SEM1: variants seen among roughly 807,000 people sequenced by gnomAD.
The protein encoded by SEM1 is 26S proteasome complex subunit SEM1.
SEM1 carries 3 observed loss-of-function variants against 12.7 expected under a neutral mutation model. The observed-to-expected ratio is 0.24, with a 90% CI of 0.11 to 0.61. The LOEUF (loss-of-function observed/expected upper bound fraction) is 0.61. Among genes scored for constraint, SEM1 ranks in the 20% least tolerant of loss-of-function variants. The probability of loss-of-function intolerance (pLI) is 0.88; values close to 1 mark genes in which losing one functional copy is unlikely to be tolerated. For synonymous variants in SEM1, 30 were observed against 27.8 expected (o/e 1.08, Z -0.25); for missense variants, 59 against 81.3 (o/e 0.73, Z 1.06).
chr7:96,557,769 G>T (rs1160822734), intron 2 of SEM1, among the ~76,000 whole-genome samples: 1 of 151,798 alleles, frequency 6.6e-6, no homozygotes, highest in East Asian at 1.9e-4. Flanking sequence ...CCTAGGCAAT[G>T]GCGGGCGCCC....
intron 2 of SEM1, among the ~76,000 whole-genome samples, chr7:96,560,890 G>A (rs1805671587): frequency 6.6e-6 from 1 of 151,944 alleles, no homozygotes; most frequent in Admixed American, 6.6e-5. Flanking sequence ...TTTAGTATTT[G>A]TGCACTCCTT....
At chr7:96,596,884 A>T (rs1420130437) in intron 2 of SEM1, among the ~76,000 whole-genome samples, 4 of 152,224 alleles carry the variant, frequency 2.6e-5, no homozygotes, top group African/African-American at 9.6e-5. Context: ...TTGTTGTGTC[A>T]GCTTGTACAT....
At chr7:96,547,353 G>A (rs1805133685) in intron 2 of SEM1, among the ~76,000 whole-genome samples, 1 of 152,144 alleles carries the variant, frequency 6.6e-6, no homozygotes, top group Non-Finnish European at 1.5e-5. Flanking sequence ...ATTATGCTTT[G>A]CTTTATCTGC....
At chr7:96,609,285 T>G (rs1238873166) in intron 2 of SEM1, among the ~76,000 whole-genome samples, 1 of 152,174 alleles carries the variant, frequency 6.6e-6, no homozygotes, top group Non-Finnish European at 1.5e-5. Flanking sequence ...TAGATGGTAG[T>G]GGTGTTCTGT....
In SEM1 at chr7:96,600,509, C is replaced by T. The variant is rs191769875; in HGVS notation, c.171-93811G>A. On this transcript the variant is annotated intron_variant and NMD_transcript_variant, in intron 2 of 3. Transcript: ENST00000466986. ...GGCATTTATTATCCCATTTAATCCT[C>T]ATCTATGATGACTCCTCTCAAACAG... Among the ~76,000 whole-genome samples, 344 of 152,284 alleles carry T rather than the reference C, an allele frequency of 2.3e-3. 1 individual carries two copies. The highest frequency in any genetic ancestry group is 8.0e-3 in the African/African-American group (332 of 41,574).
intron 2 of SEM1, among the ~76,000 whole-genome samples, chr7:96,588,353 AACACAC>A (rs56655484): frequency 7.8e-4 from 110 of 141,034 alleles, no homozygotes; most frequent in African/African-American, 2.8e-3. Context: ...TCTAAAAACA[AACACAC>A]ACACACACAC....
intron 2 of SEM1, among the ~76,000 whole-genome samples, chr7:96,587,897 T>C (rs1264103263): frequency 6.6e-6 from 1 of 152,230 alleles, no homozygotes; most frequent in East Asian, 1.9e-4. Context: ...TAACACATAC[T>C]ATTGAACACT....
At chr7:96,690,168 A>C (rs1176275630) in intron 2 of SEM1, among the ~76,000 whole-genome samples, 1 of 152,198 alleles carries the variant, frequency 6.6e-6, no homozygotes, top group Non-Finnish European at 1.5e-5. Context: ...TTTATAATTT[A>C]TTTAAAATAA....
intron 2 of SEM1, among the ~76,000 whole-genome samples, chr7:96,632,652 T>G (rs1024719991): frequency 1.3e-5 from 2 of 152,072 alleles, no homozygotes; most frequent in African/African-American, 4.8e-5. Flanking sequence ...TGTATACCTA[T>G]GTAACGAACC....
At chr7:96,700,530 C>T (rs1003163355) in intron 1 of SEM1, among the ~76,000 whole-genome samples, 2 of 152,010 alleles carry the variant, frequency 1.3e-5, no homozygotes, top group Non-Finnish European at 2.9e-5. Flanking sequence ...CTTCCTTTTC[C>T]CATTTAGTTG....
intron 2 of SEM1, among the ~76,000 whole-genome samples, chr7:96,562,631 G>A (rs1034949807): frequency 2.0e-5 from 3 of 152,156 alleles, no homozygotes; most frequent in African/African-American, 7.2e-5. Context: ...ATTCAAGGGA[G>A]ACACTCATAT....
At chr7:96,667,413 A>G (rs765080537) in intron 2 of SEM1, among the ~76,000 whole-genome samples, 1 of 152,048 alleles carries the variant, frequency 6.6e-6, no homozygotes, top group Non-Finnish European at 1.5e-5. Flanking sequence ...AAATGGGGTA[A>G]TTTTTCCTTC....
At position 96,683,667 on chromosome 7, in the gene SEM1, G is replaced by A. The variant is rs140499584; in HGVS notation, c.171-9808C>T. 1.4e-3 allele frequency among the ~76,000 whole-genome samples: 211 copies of A among 152,306 alleles called. 5 individuals carry two copies. In the East Asian group the frequency reaches 0.022, roughly 16 times the overall value. On this transcript the variant is annotated intron_variant, in intron 2 of 2. Coordinates refer to the SEM1 transcript ENST00000413065. The stretch of plus-strand genomic sequence containing the variant: ...CAATGATAGACTGGATAAAGAAAAT[G>A]TGGCACATATACACCATGGAATACT...
chr7:96,632,160 T>A (rs12704868), intron 2 of SEM1, among the ~76,000 whole-genome samples: 49,966 of 151,964 alleles, frequency 0.33, 10,323 homozygotes, highest in East Asian at 0.66. Context: ...TCCTCAAGGA[T>A]CTAGAACCAG....
intron 3 of SEM1, among the ~76,000 whole-genome samples, chr7:96,505,703 A>C (rs1276249759): frequency 2.0e-5 from 3 of 152,106 alleles, no homozygotes; most frequent in Admixed American, 2.0e-4. Flanking sequence ...ATGTTTGGCG[A>C]GGGTCCACAT....
rs753896172 is a variant in SEM1, at chr7:96,486,371, C to G, written c.59G>C (p.Gly20Ala). The G allele has an allele frequency of 1.4e-5, 22 of 1,536,994 alleles. No homozygotes were observed. In the South Asian group the frequency reaches 2.6e-4, roughly 18 times the overall value. ...CCCCCTTTTTATGCCATGCTTTCTT[C>G]CCACTTTTCCTCCTTGTACAGCAAA... is the stretch of plus-strand genomic sequence containing the variant. Residue 20 changes from glycine (G) to alanine (A), a missense_variant, in exon 2 of 4, where the codon GGA becomes GCA. By Grantham distance (60) the Gly-to-Ala change is moderately conservative. Coordinates refer to the SEM1 transcript ENST00000356686.
chr7:96,529,105 A>G (rs1414540633), intron 2 of SEM1, among the ~76,000 whole-genome samples: 1 of 152,128 alleles, frequency 6.6e-6, no homozygotes, highest in Non-Finnish European at 1.5e-5. Flanking sequence ...CTTATGATAC[A>G]AAATCACTTT....
chr7:96,641,004 T>A (rs1051676501), intron 2 of SEM1, among the ~76,000 whole-genome samples: 2 of 152,022 alleles, frequency 1.3e-5, no homozygotes, highest in Non-Finnish European at 2.9e-5. Flanking sequence ...TAAACTTTTT[T>A]AAATATTATG....
intron 2 of SEM1, among the ~76,000 whole-genome samples, chr7:96,679,725 A>G (rs970854255): frequency 6.6e-6 from 1 of 152,134 alleles, no homozygotes; most frequent in Non-Finnish European, 1.5e-5. Context: ...GTGACTCACA[A>G]TCAAGAAGAA....
Sources: allele counts gnomAD v4.1 joint callset (sites outside exome capture counted in the v4.1 genomes callset), GRCh38; gene constraint gnomAD v4.1.1; transcripts MANE v1.5; gene names NCBI Gene and HGNC (gene_info 2026-07-23, HGNC 2026-07-21).